Variants in MAGI1 observed in about 807,000 individuals in gnomAD.
MAGI1 encodes membrane-associated guanylate kinase, WW and PDZ domain-containing protein 1.
A neutral mutation model predicts 139.9 loss-of-function variants in MAGI1; 58 were observed. The ratio of observed to expected loss-of-function variants is 0.41; its 90% CI spans 0.34 to 0.52. The LOEUF (loss-of-function observed/expected upper bound fraction) is 0.52. MAGI1 is among the 20% of genes least tolerant of loss of function. The pLI, the probability that MAGI1 is intolerant of heterozygous loss-of-function variation, is 0.12. For synonymous variants in MAGI1, 812 were observed against 737.9 expected, an observed-to-expected ratio of 1.10 and a Z score of -1.63; for missense variants, 1,874 against 1,901.6, an observed-to-expected ratio of 0.99 and a Z score of 0.27.
At chr3:65,683,287 T>A (rs1050792563) in intron 1 of MAGI1, among the ~76,000 whole-genome samples, 1 of 152,022 alleles carries the variant, frequency 6.6e-6, no homozygotes, top group Non-Finnish European at 1.5e-5. Context: ...ATGTACCCAA[T>A]GGATTTTGGG....
chr3:65,685,547 C>T (rs1411211321), intron 1 of MAGI1, among the ~76,000 whole-genome samples: 1 of 152,088 alleles, frequency 6.6e-6, no homozygotes, highest in Non-Finnish European at 1.5e-5. Flanking sequence ...TGTCAAAGAA[C>T]GTAGCTTGTC....
chr3:65,526,381 G>C (rs1168766038), intron 2 of MAGI1, among the ~76,000 whole-genome samples: 1 of 152,086 alleles, frequency 6.6e-6, no homozygotes, highest in Non-Finnish European at 1.5e-5. Flanking sequence ...CAGAGAGATG[G>C]GTCCCACAAG....
In MAGI1 at chr3:65,395,042, A is replaced by G. The variant is rs1944271899; in HGVS notation, c.2200-3684T>C. Among the ~76,000 whole-genome samples the G allele has an allele frequency of 2.6e-5, 4 of 152,296 alleles. No individual in the cohort carries two copies. The South Asian group carries it at 8.3e-4, about 32-fold the overall frequency. On this transcript the variant is annotated intron_variant, in intron 13 of 22. Transcript: ENST00000402939. ...ACATGGAAAAATGGAAAAACCTAGTACACAAATGATATAACATCCAGCCCA... is the reference window on the plus strand; with the variant it reads ...ACATGGAAAAATGGAAAAACCTAGTGCACAAATGATATAACATCCAGCCCA...
intron 4 of MAGI1, among the ~76,000 whole-genome samples, chr3:65,472,050 C>G (rs562821545): frequency 6.6e-6 from 1 of 152,220 alleles, no homozygotes; most frequent in South Asian, 2.1e-4. Flanking sequence ...TTGCTTGAAC[C>G]CCCAAATTCA....
chr3:65,741,454 C>G (rs1018230739), intron 1 of MAGI1, among the ~76,000 whole-genome samples: 6 of 152,136 alleles, frequency 3.9e-5, no homozygotes, highest in South Asian at 2.1e-4. Flanking sequence ...GATTACAGGC[C>G]TGAGCCGCCA....
At chr3:65,785,774 A>G (rs1004728262) in intron 1 of MAGI1, among the ~76,000 whole-genome samples, 18 of 152,146 alleles carry the variant, frequency 1.2e-4, no homozygotes, top group African/African-American at 4.3e-4. Context: ...TACCTTGGAG[A>G]CTACATCAAA....
At chr3:65,881,726 G>C (rs1375466863) in intron 1 of MAGI1, among the ~76,000 whole-genome samples, 2 of 152,176 alleles carry the variant, frequency 1.3e-5, no homozygotes, top group Non-Finnish European at 2.9e-5. Context: ...AGAACGTCTA[G>C]GTGTACAGGA....
At chr3:65,645,541 T>C (rs2085212081) in intron 1 of MAGI1, among the ~76,000 whole-genome samples, 2 of 152,152 alleles carry the variant, frequency 1.3e-5, no homozygotes, top group Non-Finnish European at 2.9e-5. Context: ...AAAAGATGAC[T>C]AGAGAAGTTC....
chr3:65,412,060 A>G (rs1195395108), intron 12 of MAGI1, among the ~76,000 whole-genome samples: 4 of 152,058 alleles, frequency 2.6e-5, no homozygotes, highest in Non-Finnish European at 4.4e-5. Context: ...CCATGTCCCT[A>G]TGGCTTCCCA....
At chr3:65,695,512 G>A (rs1480823515) in intron 1 of MAGI1, among the ~76,000 whole-genome samples, 1 of 152,122 alleles carries the variant, frequency 6.6e-6, no homozygotes, top group East Asian at 1.9e-4. Flanking sequence ...TTCTTGAAAG[G>A]GCCAACTCCT....
intron 2 of MAGI1, among the ~76,000 whole-genome samples, chr3:65,502,335 T>C (rs150492434): frequency 2.8e-4 from 42 of 152,340 alleles, no homozygotes; most frequent in Non-Finnish European, 4.9e-4. Context: ...AAAAGGGGAT[T>C]GACAAACATT....
intron 2 of MAGI1, among the ~76,000 whole-genome samples, chr3:65,514,124 G>T (rs1020179290): frequency 3.3e-5 from 5 of 150,068 alleles, no homozygotes; most frequent in African/African-American, 9.8e-5. Context: ...GCTGAAACTG[G>T]ATCCCTTCCT....
chr3:65,564,050 C>G (rs995252587), intron 2 of MAGI1, among the ~76,000 whole-genome samples: 1 of 152,060 alleles, frequency 6.6e-6, no homozygotes, highest in Non-Finnish European at 1.5e-5. Context: ...TCCTAGGGAA[C>G]AAGATGCATA....
At chr3:65,542,596 C>T (rs924378822) in intron 2 of MAGI1, among the ~76,000 whole-genome samples, 1 of 152,112 alleles carries the variant, frequency 6.6e-6, no homozygotes, top group African/African-American at 2.4e-5. Flanking sequence ...AGAAATAACA[C>T]CACACATCTA....
At chr3:65,797,915 T>C (rs981482178) in intron 1 of MAGI1, among the ~76,000 whole-genome samples, 3 of 152,206 alleles carry the variant, frequency 2.0e-5, no homozygotes, top group African/African-American at 7.2e-5. Context: ...TGGACTGTGC[T>C]GTACTGTTTA....
intron 12 of MAGI1, 85 bp from the exon 13 acceptor site, chr3:65,401,555 G>A (rs910035637): frequency 1.9e-6 from 3 of 1,564,062 alleles, no homozygotes; most frequent in Middle Eastern, 1.7e-4. Context: ...CAATCCCCAG[G>A]TGTTCCATGG....
At position 65,810,802 on chromosome 3, in the gene MAGI1, T is replaced by C. The variant is rs373894624; in HGVS notation, c.314-188714A>G. On this transcript the variant is annotated intron_variant, in intron 1 of 22. Transcript: ENST00000402939. ...GCAACCTATTTAGGTCCCTTCATGG[T>C]GCACACACACCTCGTAATTGACTTT... 2.0e-4 allele frequency among the ~76,000 whole-genome samples: 31 copies of C among 152,340 alleles called. No individual in the cohort carries two copies. In the East Asian group the frequency reaches 5.8e-3, roughly 28 times the overall value.
chr3:65,502,625 C>T (rs939682054), intron 2 of MAGI1, among the ~76,000 whole-genome samples: 1 of 152,152 alleles, frequency 6.6e-6, no homozygotes, highest in Non-Finnish European at 1.5e-5. Context: ...CAGACAGCTG[C>T]CTTTTTGCTG....
chr3:65,386,426 T>C (rs1039241227), intron 14 of MAGI1, among the ~76,000 whole-genome samples: 1 of 152,144 alleles, frequency 6.6e-6, no homozygotes, highest in African/African-American at 2.4e-5. Context: ...AAAGAAAGTC[T>C]TGCTACTTTA....
Sources: gnomAD v4.1 joint callset for allele counts (sites outside exome capture counted in the v4.1 genomes callset) on GRCh38, gnomAD v4.1.1 for gene constraint, MANE v1.5 for transcripts, NCBI Gene and HGNC (gene_info 2026-07-23, HGNC 2026-07-21) for gene names.